ARHGAP21: variants seen among roughly 807,000 people sequenced by gnomAD.
The protein encoded by ARHGAP21 is Rho GTPase activating protein 21, also known as rho GTPase-activating protein 21.
In ARHGAP21, 38 loss-of-function variants were observed where a neutral mutation model predicts 164.6. The ratio of observed to expected loss-of-function variants is 0.23; its 90% confidence interval spans 0.18 to 0.30. ARHGAP21 has a LOEUF of 0.30. Ranked by LOEUF, ARHGAP21 falls within the 10% of genes least tolerant of loss-of-function variation. ARHGAP21 has a pLI of 1.00. For synonymous variants in ARHGAP21, 766 were observed against 857.9 expected, an observed-to-expected ratio of 0.89 and a Z score of 1.87; for missense variants, 1,822 against 2,370.7, an observed-to-expected ratio of 0.77 and a Z score of 4.81.
At chr10:24,689,752 TTATATC>T (rs1315562835) in intron 2 of ARHGAP21, among the ~76,000 whole-genome samples, 2 of 151,504 alleles carry the variant, frequency 1.3e-5, no homozygotes, top group East Asian at 3.9e-4. Flanking sequence ...TCAAAAATAA[TTATATC>T]TATATGTATG....
intron 2 of ARHGAP21, among the ~76,000 whole-genome samples, chr10:24,714,681 C>T (rs1280981792): frequency 6.6e-6 from 1 of 152,104 alleles, no homozygotes; most frequent in African/African-American, 2.4e-5. Flanking sequence ...TAGAGTTATA[C>T]CATACTGTAA....
At chr10:24,702,170 G>T (rs772905451) in intron 2 of ARHGAP21, among the ~76,000 whole-genome samples, 13 of 117,470 alleles carry the variant, frequency 1.1e-4, no homozygotes, top group Non-Finnish European at 1.3e-4. Flanking sequence ...TTGCTCTGTC[G>T]TCCAGTCTGG....
At chr10:24,600,971 C>A in intron 13 of ARHGAP21, 41 bp from the exon 14 acceptor site, 1 of 1,587,090 alleles carries the variant, frequency 6.3e-7, no homozygotes. Flanking sequence ...CAATATTTGG[C>A]TAAATCTTTG....
At position 24,723,673 on chromosome 10, in the gene ARHGAP21, CCCGCCG is replaced by C. The variant is rs558378115; in HGVS notation, c.-498_-493del. On this transcript the variant is annotated 5_prime_UTR_variant, in exon 1 of 26. Transcript: ENST00000396432. Reference sequence around the variant, plus strand: ...CCCGCAGCCGGACGATCCCGCGCTGCCCGCCGCCGCCGCCGCCGCCGCCGCCGCGCT... The same window carrying C: ...CCCGCAGCCGGACGATCCCGCGCTGCCCGCCGCCGCCGCCGCCGCCGCGCT... 1.1e-4 allele frequency: 16 copies of C among 147,680 alleles called. No individual in the cohort carries two copies. Among genetic ancestry groups the C allele is most frequent in the South Asian group, 3.6e-4 (2 of 5,516 alleles). The allele number at this position is 147,680 out of a possible 1,614,324, so 9.1% of individuals were successfully genotyped here.
chr10:24,666,030 T>C (rs549813757), intron 4 of ARHGAP21, among the ~76,000 whole-genome samples: 1 of 152,140 alleles, frequency 6.6e-6, no homozygotes, highest in Non-Finnish European at 1.5e-5. Context: ...AAGTTTGTTT[T>C]GTTTTGTTTT....
At chr10:24,698,837 T>A (rs1323987240) in intron 2 of ARHGAP21, among the ~76,000 whole-genome samples, 1 of 152,240 alleles carries the variant, frequency 6.6e-6, no homozygotes, top group Admixed American at 6.5e-5. Context: ...ATGATGCCAC[T>A]TTTTAGAATT....
Position 24,628,982 on chromosome 10 carries a change from ATTTTTT to A in ARHGAP21, c.495+1008_495+1013del, listed in dbSNP as rs1166249007. The A allele has an allele frequency of 8.0e-3, 93 of 11,584 alleles. 1 individual carries two copies. In the South Asian group the frequency reaches 0.096, roughly 12 times the overall value. The allele number at this position is 11,584 out of a possible 1,614,324, so 0.7% of individuals were successfully genotyped here. ...TATATATATATATATATATATATAT[ATTTTTT>A]TTTTTTTTTTTTTTTTTTTTTTTTT... On this transcript the variant is annotated intron_variant, in intron 7 of 25. Transcript: ENST00000396432.
At chr10:24,603,524 G>A (rs2076899466) in intron 12 of ARHGAP21, among the ~76,000 whole-genome samples, 1 of 152,184 alleles carries the variant, frequency 6.6e-6, no homozygotes, top group Non-Finnish European at 1.5e-5. Flanking sequence ...AATAGAACAT[G>A]GGTGCAGACA....
chr10:24,666,788 A>G (rs1317962179), intron 4 of ARHGAP21, among the ~76,000 whole-genome samples, 197 bp downstream of exon 4: 1 of 152,196 alleles, frequency 6.6e-6, no homozygotes, highest in Non-Finnish European at 1.5e-5. Context: ...TTACATGTTC[A>G]AATTAAGATG....
At chr10:24,701,512 T>G (rs1843669418) in intron 2 of ARHGAP21, among the ~76,000 whole-genome samples, 1 of 152,042 alleles carries the variant, frequency 6.6e-6, no homozygotes, top group African/African-American at 2.4e-5. Flanking sequence ...AGGGAACATG[T>G]GAATAGAACC....
intron 3 of ARHGAP21, among the ~76,000 whole-genome samples, chr10:24,668,836 T>C (rs1228004975): frequency 6.6e-6 from 1 of 152,164 alleles, no homozygotes; most frequent in Non-Finnish European, 1.5e-5. Context: ...CATGTTTATA[T>C]AAGTTTGGTA....
chr10:24,628,798 C>A (rs1249058440), intron 7 of ARHGAP21, among the ~76,000 whole-genome samples: 2 of 105,646 alleles, frequency 1.9e-5, no homozygotes, highest in East Asian at 2.3e-4. Flanking sequence ...CATATATACA[C>A]ATATATACAT....
At chr10:24,594,802 T>C (rs1407820068) in intron 21 of ARHGAP21, 148 bp downstream of exon 21, 1 of 518,726 alleles carries the variant, frequency 1.9e-6, no homozygotes, top group Non-Finnish European at 3.2e-6. Flanking sequence ...TTGGGATCTT[T>C]TGCTTTTAAA....
chr10:24,678,030 G>A (rs561102433), intron 2 of ARHGAP21, among the ~76,000 whole-genome samples: 47 of 152,142 alleles, frequency 3.1e-4, no homozygotes, highest in African/African-American at 1.0e-3. Flanking sequence ...GGGAGGCAGA[G>A]GTGGGAGGGC....
At chr10:24,625,306 A>C (rs1332894997) in intron 7 of ARHGAP21, among the ~76,000 whole-genome samples, 2 of 149,892 alleles carry the variant, frequency 1.3e-5, no homozygotes, top group African/African-American at 4.9e-5. Context: ...AGAGAAAAAA[A>C]AAAAAAAAAA....
At chr10:24,588,660 G>A (rs2076206403) in intron 25 of ARHGAP21, among the ~76,000 whole-genome samples, 1 of 152,086 alleles carries the variant, frequency 6.6e-6, no homozygotes, top group South Asian at 2.1e-4. Flanking sequence ...TAGATCCACT[G>A]ACTTGACAAA....
At position 24,585,350 on chromosome 10, in the gene ARHGAP21, C is replaced by T; in HGVS notation, c.4939G>A (p.Ala1647Thr). The change falls in exon 26 of 26, where the codon GCC becomes ACC. Residue 1647 changes from alanine to threonine, a missense_variant. By Grantham distance (58) the Ala-to-Thr change is moderately conservative (BLOSUM62 0). Transcript: ENST00000396432. The stretch of plus-strand genomic sequence containing the variant: ...CGGAAAAGCCTCTCTGAAGTCAAGG[C>T]TGTGGGGAACACGGGAAACTCGCTC... ...SESEFPVFPT[A>T]LTSERLFRGK... 4 of 1,613,660 alleles carry T rather than the reference C, an allele frequency of 2.5e-6. No homozygotes were observed. Among genetic ancestry groups the T allele is most frequent in the African/African-American group, 1.3e-5 (1 of 75,054 alleles).
intron 7 of ARHGAP21, 149 bp downstream of exon 7, chr10:24,629,847 T>C (rs1197827724): frequency 2.8e-6 from 2 of 707,158 alleles, no homozygotes; most frequent in South Asian, 3.0e-5. Flanking sequence ...TTGTAAAATG[T>C]AGAGAATTCC....
chr10:24,684,307 C>CAAA (rs1443237474), intron 2 of ARHGAP21, among the ~76,000 whole-genome samples: 1 of 151,478 alleles, frequency 6.6e-6, no homozygotes, highest in Non-Finnish European at 1.5e-5. Flanking sequence ...AAAAACCCAG[C>CAAA]AAAAAAACAA....
Sources: gnomAD v4.1 joint callset for allele counts (sites outside exome capture counted in the v4.1 genomes callset) on GRCh38, gnomAD v4.1.1 for gene constraint, MANE v1.5 for transcripts, NCBI Gene and HGNC (gene_info 2026-07-23, HGNC 2026-07-21) for gene names.